Variants in THSD4 observed in about 807,000 individuals in gnomAD.
THSD4 encodes the protein thrombospondin type-1 domain-containing protein 4.
In THSD4, 69 loss-of-function variants were observed where a neutral mutation model predicts 119.0. The ratio of observed to expected loss-of-function variants is 0.58; its 90% CI spans 0.48 to 0.71. The LOEUF (loss-of-function observed/expected upper bound fraction) is 0.71. Ranked by LOEUF, THSD4 falls within the 30% of genes least tolerant of loss-of-function variation. THSD4 has a pLI of 0.00. For synonymous variants in THSD4, 524 were observed against 540.4 expected (o/e 0.97, Z 0.42); for missense variants, 1,393 against 1,391.1 (o/e 1.00, Z -0.02).
chr15:71,407,360 CA>C (rs1347044527), intron 6 of THSD4, among the ~76,000 whole-genome samples: 78 of 152,312 alleles, frequency 5.1e-4, no homozygotes, highest in Non-Finnish European at 1.0e-4. Context: ...TAAGTCATTA[CA>C]ATGAGTCCTT....
chr15:71,345,362 G>A (rs904019847), intron 6 of THSD4, among the ~76,000 whole-genome samples: 4 of 151,988 alleles, frequency 2.6e-5, no homozygotes, highest in African/African-American at 9.7e-5. Flanking sequence ...GCAAGGTAGG[G>A]CCAAAGGCAC....
At chr15:71,499,157 C>G (rs1008299897) in intron 7 of THSD4, among the ~76,000 whole-genome samples, 4 of 152,122 alleles carry the variant, frequency 2.6e-5, no homozygotes, top group Non-Finnish European at 4.4e-5. Context: ...CAAAGACAAA[C>G]CCTTCACTCT....
At chr15:71,321,433 G>A (rs1269281310) in intron 6 of THSD4, among the ~76,000 whole-genome samples, 1 of 152,160 alleles carries the variant, frequency 6.6e-6, no homozygotes, top group African/African-American at 2.4e-5. Flanking sequence ...CTACTCAGGA[G>A]GCTGAGGCAG....
At position 71,369,218 on chromosome 15, in the gene THSD4, C is replaced by A. The variant is rs2046009425; in HGVS notation, c.1016-42469C>A. Among the ~76,000 whole-genome samples the A allele has an allele frequency of 2.6e-5, 4 of 152,194 alleles. No homozygotes were observed. The South Asian group carries it at 8.3e-4, about 32-fold the overall frequency. On this transcript the variant is annotated intron_variant, in intron 6 of 17. Coordinates refer to ENST00000261862, the MANE Select transcript of THSD4 (RefSeq NM_024817.3). Reference sequence around the variant, plus strand: ...GGGTTTTCTAAATATACAATCATGTCATCTGCAAACAGGAACAATTTGACT... The same window carrying A: ...GGGTTTTCTAAATATACAATCATGTAATCTGCAAACAGGAACAATTTGACT...
At chr15:71,265,448 T>G (rs1177391709) in intron 6 of THSD4, among the ~76,000 whole-genome samples, 1 of 152,122 alleles carries the variant, frequency 6.6e-6, no homozygotes, top group Non-Finnish European at 1.5e-5. Flanking sequence ...TGCCGTGGTC[T>G]TTGCAACCTG....
chr15:71,182,461 A>G (rs1316921197), intron 3 of THSD4, among the ~76,000 whole-genome samples: 1 of 151,780 alleles, frequency 6.6e-6, no homozygotes, highest in Admixed American at 6.6e-5. Flanking sequence ...AGGACTATAA[A>G]TGGTTCTAAG....
intron 4 of THSD4, among the ~76,000 whole-genome samples, chr15:71,223,969 T>G (rs1390375193): frequency 6.6e-6 from 1 of 152,140 alleles, no homozygotes; most frequent in African/African-American, 2.4e-5. Flanking sequence ...GAGGGGCTCA[T>G]GCTGGTGGGG....
chr15:71,153,766 C>G (rs973367409), intron 2 of THSD4, among the ~76,000 whole-genome samples: 2 of 152,172 alleles, frequency 1.3e-5, no homozygotes, highest in African/African-American at 4.8e-5. Context: ...TTGGGAACCA[C>G]TATATTATTT....
At chr15:71,628,242 G>T (rs2050545786) in intron 7 of THSD4, among the ~76,000 whole-genome samples, 1 of 152,158 alleles carries the variant, frequency 6.6e-6, no homozygotes, top group African/African-American at 2.4e-5. Context: ...AGGAGCAGAA[G>T]CCTTGGATCA....
chr15:71,622,394 C>T (rs1389405794), intron 7 of THSD4, among the ~76,000 whole-genome samples: 1 of 152,294 alleles, frequency 6.6e-6, no homozygotes, highest in South Asian at 2.1e-4. Flanking sequence ...GAACTGTTGA[C>T]TGTTGATACC....
chr15:71,108,315 G>C (rs2040282575), intron 1 of THSD4, among the ~76,000 whole-genome samples: 4 of 152,244 alleles, frequency 2.6e-5, no homozygotes, highest in Admixed American at 2.6e-4. Flanking sequence ...AATAGTAGCA[G>C]AGACTGGGGT....
At position 71,375,622 on chromosome 15, in the gene THSD4, T is replaced by C. The variant is rs2046125115; in HGVS notation, c.1016-36065T>C. 2.0e-5 allele frequency among the ~76,000 whole-genome samples: 3 copies of C among 151,896 alleles called. No individual in the cohort carries two copies. The South Asian group carries it at 6.2e-4, about 32-fold the overall frequency. ...CCTCTGTGAGTGGAGTTGGAAGGGG[T>C]CATTTGAAGCCCAGGAGAAGGGGTT... On this transcript the variant is annotated intron_variant, in intron 6 of 17. Transcript: ENST00000261862.
At chr15:71,140,885 C>G (rs1044335969) in intron 1 of THSD4, among the ~76,000 whole-genome samples, 2 of 152,168 alleles carry the variant, frequency 1.3e-5, no homozygotes, top group South Asian at 2.1e-4. Flanking sequence ...TGGCAACCAA[C>G]GAATCTACTT....
intron 7 of THSD4, among the ~76,000 whole-genome samples, chr15:71,446,359 G>A (rs1033919130): frequency 6.6e-6 from 1 of 152,156 alleles, no homozygotes; most frequent in African/African-American, 2.4e-5. Flanking sequence ...TTGTAAAATA[G>A]GAATCAAAAT....
intron 6 of THSD4, among the ~76,000 whole-genome samples, chr15:71,399,687 T>A (rs2046499268): frequency 6.6e-6 from 1 of 152,148 alleles, no homozygotes; most frequent in Admixed American, 6.5e-5. Flanking sequence ...GTTCTCCAGG[T>A]GTGGCTCCCG....
intron 7 of THSD4, among the ~76,000 whole-genome samples, chr15:71,485,782 T>TG (rs1227705866): frequency 2.0e-5 from 3 of 152,240 alleles, no homozygotes; most frequent in African/African-American, 7.2e-5. Flanking sequence ...TTTAGTGTTA[T>TG]TCCTATAAAA....
At chr15:71,435,367 T>G (rs57589422) in intron 7 of THSD4, among the ~76,000 whole-genome samples, 26,573 of 152,174 alleles carry the variant, frequency 0.17, 2,633 homozygotes, top group African/African-American at 0.24. Context: ...TAGATCTGAT[T>G]TCTGCCTTTT....
At chr15:71,197,856 CTGGCCCTATGTGTGTT>C (rs2043733665) in intron 3 of THSD4, among the ~76,000 whole-genome samples, 1 of 151,276 alleles carries the variant, frequency 6.6e-6, no homozygotes, top group South Asian at 2.1e-4. Context: ...TTATAGGGTG[CTGGCCCTATGTGTGTT>C]TGGCACTCTT....
intron 6 of THSD4, among the ~76,000 whole-genome samples, chr15:71,353,648 C>T (rs2045772289): frequency 1.3e-5 from 2 of 152,104 alleles, no homozygotes; most frequent in Admixed American, 1.3e-4. Flanking sequence ...TAGAGAAGGC[C>T]CATGCTTTTA....
Sources: allele counts gnomAD v4.1 joint callset (sites outside exome capture counted in the v4.1 genomes callset), GRCh38; gene constraint gnomAD v4.1.1; transcripts MANE v1.5; gene names NCBI Gene and HGNC (gene_info 2026-07-23, HGNC 2026-07-21).